Variants in RUNDC3B observed in about 807,000 individuals in gnomAD.
RUNDC3B encodes RUN domain containing 3B.
In RUNDC3B, 33 loss-of-function variants were observed where a neutral mutation model predicts 58.4. That is an observed-to-expected ratio of 0.56 (90% CI 0.43 to 0.75). RUNDC3B has a LOEUF of 0.75. Among genes scored for constraint, RUNDC3B ranks in the 30% least tolerant of loss-of-function variants. RUNDC3B has a pLI of 0.00. For synonymous variants in RUNDC3B, 193 were observed against 195.2 expected, an observed-to-expected ratio of 0.99 and a Z score of 0.10; for missense variants, 501 against 535.7, an observed-to-expected ratio of 0.94 and a Z score of 0.64.
intron 1 of RUNDC3B, among the ~76,000 whole-genome samples, chr7:87,640,207 TATTAA>T (rs2130284342): frequency 6.7e-6 from 1 of 149,596 alleles, no homozygotes; most frequent in East Asian, 1.9e-4. Flanking sequence ...TATATATATA[TATTAA>T]ATCTTACATT....
At chr7:87,785,106 T>C (rs567164098) in intron 8 of RUNDC3B, among the ~76,000 whole-genome samples, 1 of 151,742 alleles carries the variant, frequency 6.6e-6, no homozygotes, top group African/African-American at 2.4e-5. Context: ...CAGCCCAGGG[T>C]TTTTAGCCTG....
intron 9 of RUNDC3B, among the ~76,000 whole-genome samples, chr7:87,814,363 G>T (rs1268370343): frequency 6.6e-6 from 1 of 152,010 alleles, no homozygotes; most frequent in Admixed American, 6.5e-5. Context: ...GCCTCCCAAA[G>T]TGCTGGGATT....
chr7:87,758,992 G>T (rs1017793718), intron 6 of RUNDC3B, among the ~76,000 whole-genome samples: 7 of 152,072 alleles, frequency 4.6e-5, no homozygotes, highest in African/African-American at 1.7e-4. Context: ...ATATCTAAAA[G>T]AAAGGAAATC....
chr7:87,641,729 A>G (rs1054279867), intron 1 of RUNDC3B, among the ~76,000 whole-genome samples: 2 of 152,224 alleles, frequency 1.3e-5, no homozygotes, highest in South Asian at 4.1e-4. Context: ...TATGAAAGAA[A>G]GAAAGTGGAT....
chr7:87,689,511 T>C (rs891893695), intron 2 of RUNDC3B, among the ~76,000 whole-genome samples: 5 of 152,168 alleles, frequency 3.3e-5, no homozygotes, highest in Admixed American at 3.3e-4. Flanking sequence ...TACTTTATTG[T>C]GCTAATATTA....
At chr7:87,642,555 G>T (rs1344178785) in intron 1 of RUNDC3B, among the ~76,000 whole-genome samples, 1 of 152,048 alleles carries the variant, frequency 6.6e-6, no homozygotes, top group East Asian at 1.9e-4. Flanking sequence ...AAGATAGGAA[G>T]TTTTCTTGGT....
intron 1 of RUNDC3B, among the ~76,000 whole-genome samples, chr7:87,630,700 T>C (rs958134821): frequency 1.3e-5 from 2 of 151,826 alleles, no homozygotes; most frequent in Non-Finnish European, 2.9e-5. Context: ...TTTTTTTTTT[T>C]TCTTTCAAAT....
chr7:87,704,236 T>C (rs1219185526), intron 3 of RUNDC3B, among the ~76,000 whole-genome samples: 1 of 152,088 alleles, frequency 6.6e-6, no homozygotes, highest in African/African-American at 2.4e-5. Context: ...TTTCCTTTTA[T>C]GTTTTCTTTA....
At chr7:87,660,740 A>G (rs78551386) in intron 2 of RUNDC3B, among the ~76,000 whole-genome samples, 135 of 151,960 alleles carry the variant, frequency 8.9e-4, no homozygotes, top group East Asian at 8.1e-3. Context: ...GCTTTGGCTA[A>G]ATTTATGTTT....
chr7:87,669,739 G>A (rs979999127), intron 2 of RUNDC3B, among the ~76,000 whole-genome samples: 1 of 152,136 alleles, frequency 6.6e-6, no homozygotes, highest in African/African-American at 2.4e-5. Flanking sequence ...AGCTCACTTT[G>A]GCTGTATATG....
chr7:87,656,682 T>A (rs1395124834), intron 2 of RUNDC3B, among the ~76,000 whole-genome samples: 1 of 151,924 alleles, frequency 6.6e-6, no homozygotes, highest in Non-Finnish European at 1.5e-5. Flanking sequence ...ATTGATAGTT[T>A]AAAAAAAACC....
At chr7:87,804,083 C>G (rs1166528536) in intron 8 of RUNDC3B, among the ~76,000 whole-genome samples, 1 of 152,082 alleles carries the variant, frequency 6.6e-6, no homozygotes. Context: ...CTGTATGAGA[C>G]TCACCACAAA....
At chr7:87,799,018 T>G (rs1457297003) in intron 8 of RUNDC3B, among the ~76,000 whole-genome samples, 1 of 152,216 alleles carries the variant, frequency 6.6e-6, no homozygotes, top group Non-Finnish European at 1.5e-5. Context: ...ATATTAATTA[T>G]GAAGAAGTTA....
At chr7:87,809,952 C>A (rs1206239282) in intron 9 of RUNDC3B, among the ~76,000 whole-genome samples, 1 of 152,118 alleles carries the variant, frequency 6.6e-6, no homozygotes, top group African/African-American at 2.4e-5. Context: ...TGAGAAACTG[C>A]AAATTATGAA....
At chr7:87,790,188 C>T (rs1835447987) in intron 8 of RUNDC3B, among the ~76,000 whole-genome samples, 1 of 152,192 alleles carries the variant, frequency 6.6e-6, no homozygotes, top group Non-Finnish European at 1.5e-5. Flanking sequence ...CAGAGAGACA[C>T]CCTGTTTGTT....
At chr7:87,670,214 G>A (rs991880821) in intron 2 of RUNDC3B, among the ~76,000 whole-genome samples, 48 of 152,066 alleles carry the variant, frequency 3.2e-4, no homozygotes, top group Non-Finnish European at 4.0e-4. Flanking sequence ...TTATTTCAGA[G>A]AACCAGTCTT....
chr7:87,736,631 C>A (rs1831948443), intron 4 of RUNDC3B, among the ~76,000 whole-genome samples: 3 of 150,934 alleles, frequency 2.0e-5, no homozygotes, highest in African/African-American at 4.9e-5. Flanking sequence ...TTCCTCACTT[C>A]TGTAATATAA....
chr7:87,665,381 GA>G (rs1289155492), intron 2 of RUNDC3B, among the ~76,000 whole-genome samples: 3 of 152,084 alleles, frequency 2.0e-5, no homozygotes, highest in Non-Finnish European at 4.4e-5. Context: ...TTCAGGCAAG[GA>G]AGTGAAACCT....
chr7:87,742,782 T>C (rs1832411562), intron 6 of RUNDC3B, among the ~76,000 whole-genome samples: 1 of 152,150 alleles, frequency 6.6e-6, no homozygotes, highest in Admixed American at 6.6e-5. Context: ...TTTTTCACCT[T>C]TCCCTCTCAT....
Sources: allele counts gnomAD v4.1 joint callset (sites outside exome capture counted in the v4.1 genomes callset), GRCh38; gene constraint gnomAD v4.1.1; transcripts MANE v1.5; gene names NCBI Gene and HGNC (gene_info 2026-07-23, HGNC 2026-07-21).